Variants in LAIR2 observed in about 807,000 individuals in gnomAD.
LAIR2 encodes the protein leukocyte associated immunoglobulin like receptor 2, also known as leukocyte-associated immunoglobulin-like receptor 2.
In LAIR2, 14 loss-of-function variants were observed where a neutral mutation model predicts 14.8. That is an observed-to-expected ratio of 0.95 (90% confidence interval 0.62 to 1.48). The LOEUF (loss-of-function observed/expected upper bound fraction) is 1.48. Among genes scored for constraint, LAIR2 ranks in the 40% most tolerant of loss-of-function variants. The probability of loss-of-function intolerance (pLI) is 0.00; values close to 1 mark genes in which losing one functional copy is unlikely to be tolerated. For missense variants in LAIR2, 172 were observed against 180.9 expected, an observed-to-expected ratio of 0.95 and a Z score of 0.28; for synonymous variants, 75 against 74.5, an observed-to-expected ratio of 1.01 and a Z score of -0.03.
intron 2 of LAIR2, among the ~76,000 whole-genome samples, chr19:54,504,623 G>A (rs575402260): frequency 1.8e-4 from 27 of 151,802 alleles, no homozygotes; most frequent in African/African-American, 6.0e-4. Context: ...TTGTTTGTTT[G>A]TTTTGGGATG....
At chr19:54,503,676 T>G (rs768762325) in intron 1 of LAIR2, 24 bp from the exon 2 acceptor site, 1 of 1,613,930 alleles carries the variant, frequency 6.2e-7, no homozygotes, top group Admixed American at 1.7e-5. Flanking sequence ...GTGGGCATTT[T>G]TCTCACTGGG....
rs191946151 is a variant in LAIR2 at position 54,510,590 on chromosome 19, G to A, written c.*21G>A. 1,793 of 1,613,558 alleles carry A rather than the reference G, an allele frequency of 1.1e-3. 8 individuals carry two copies. In the African/African-American group the frequency reaches 0.021, roughly 19 times the overall value. On this transcript the variant is annotated 3_prime_UTR_variant, in exon 5 of 5. Transcript: ENST00000301202. ...CATGAATGAGGAGAAATGGCCTCCC[G>A]TCTTGTGAACTTCAATGGGGAGAAA...
chr19:54,508,291 T>C (rs2085406368), intron 3 of LAIR2, 107 bp downstream of exon 3: 1 of 1,158,906 alleles, frequency 8.6e-7, no homozygotes, highest in Admixed American at 2.2e-5. Context: ...TGGCCACCGT[T>C]GCCCTCTTCC....
intron 1 of LAIR2, 93 bp downstream of exon 1, chr19:54,503,045 G>T: frequency 8.0e-7 from 1 of 1,255,536 alleles, no homozygotes; most frequent in Non-Finnish European, 1.1e-6. Flanking sequence ...AGAAGATTCT[G>T]GGGAGGAAAG....
chr19:54,504,948 T>C (rs187697949), intron 2 of LAIR2, among the ~76,000 whole-genome samples: 1 of 152,332 alleles, frequency 6.6e-6, no homozygotes, highest in East Asian at 1.9e-4. Flanking sequence ...GGTATTTGTC[T>C]TTCTGTACCC....
intron 2 of LAIR2, among the ~76,000 whole-genome samples, chr19:54,505,671 G>C (rs985913839): frequency 6.6e-6 from 1 of 151,992 alleles, no homozygotes; most frequent in Non-Finnish European, 1.5e-5. Flanking sequence ...ATCAACCCAG[G>C]CACCTCTCTT....
At chr19:54,509,918 T>G (rs1420395080) in intron 4 of LAIR2, among the ~76,000 whole-genome samples, 1 of 150,662 alleles carries the variant, frequency 6.6e-6, no homozygotes, top group East Asian at 1.9e-4. Context: ...CTTCCCCACC[T>G]GGGTTTCTAT....
rs543115397 is a variant in LAIR2 at position 54,503,067 on chromosome 19, C to T, written c.34+115C>T. The T allele has an allele frequency of 4.8e-4, 465 of 975,354 alleles. No homozygotes were observed. In the Middle Eastern group the frequency reaches 7.2e-3, roughly 15 times the overall value. The allele number at this position is 975,354 out of a possible 1,614,324, so 60.4% of individuals were successfully genotyped here. ...TCTGGGGAGGAAAGTGTCCTCCTCC[C>T]CCCAAGACTGCCCTACTGCTCTCCC... On this transcript the variant is annotated intron_variant, in intron 1 of 4. Transcript: ENST00000301202.
At position 54,502,861 on chromosome 19, in the gene LAIR2, C is replaced by T. The variant is rs563817840; in HGVS notation, c.-58C>T. The T allele has an allele frequency of 6.2e-7, 1 of 1,609,522 alleles. No individual in the cohort carries two copies. Among genetic ancestry groups the T allele is most frequent in the Non-Finnish European group, 8.5e-7 (1 of 1,175,902 alleles). On this transcript the variant is annotated 5_prime_UTR_variant, in exon 1 of 5. Coordinates refer to ENST00000301202, the MANE Select transcript of LAIR2 (RefSeq NM_002288.6). The stretch of plus-strand genomic sequence containing the variant: ...CTGTGGAAGCCCCACGGGCAGGAGG[C>T]CCCCGGCCAGCACATCCTGTCTGCT...
intron 2 of LAIR2, among the ~76,000 whole-genome samples, chr19:54,507,416 C>G (rs1180996080): frequency 6.6e-6 from 1 of 152,042 alleles, no homozygotes; most frequent in Non-Finnish European, 1.5e-5. Context: ...AGCCTGGCAA[C>G]CCCCGTCCCA....
intron 2 of LAIR2, among the ~76,000 whole-genome samples, chr19:54,503,943 A>G (rs2123386797): frequency 6.6e-6 from 1 of 152,098 alleles, no homozygotes; most frequent in East Asian, 1.9e-4. Context: ...TCTTATTTTC[A>G]AAAATCCTAT....
intron 4 of LAIR2, among the ~76,000 whole-genome samples, chr19:54,509,960 T>C (rs1050633440): frequency 9.5e-5 from 14 of 148,062 alleles, no homozygotes; most frequent in African/African-American, 3.5e-4. Context: ...CTAGACCCGG[T>C]GACTGCCTGT....
At chr19:54,510,134 G>T (rs2085443101) in intron 4 of LAIR2, among the ~76,000 whole-genome samples, 1 of 145,564 alleles carries the variant, frequency 6.9e-6, no homozygotes, top group African/African-American at 2.6e-5. Context: ...TTCAAGTCCA[G>T]TGTCTGGTTT....
chr19:54,508,027 A>T lies in LAIR2; in HGVS notation c.207A>T (p.Lys69Asn). Residue 69 changes from lysine (K) to asparagine (N), a missense_variant, in exon 3 of 5, where the codon AAA (lysine) becomes AAT (asparagine). By Grantham distance (94) the Lys-to-Asn change is moderately conservative. Transcript: ENST00000301202. ...AGAGGGAGGATAGAGCCAAGTACAA[A>T]GATAGTTATAATGTGTTTCGACTTG... The part of the protein sequence containing the change: ...RLEREDRAKY[K>N]DSYNVFRLGP... The T allele has an allele frequency of 6.2e-7, 1 of 1,614,198 alleles. No homozygotes were observed. Among genetic ancestry groups the T allele is most frequent in the Non-Finnish European group, 8.5e-7 (1 of 1,180,022 alleles).
In LAIR2 at chr19:54,508,575, C is replaced by G. The variant is rs554107738; in HGVS notation, c.364+391C>G. ...TTATTCCTTTCCACTGAGCCAGAAC[C>G]TGCCCCAGGCAATGTGCTTCTCCTG... is the stretch of plus-strand genomic sequence containing the variant. On this transcript the variant is annotated intron_variant, in intron 3 of 4. Transcript: ENST00000301202. Among the ~76,000 whole-genome samples the G allele has an allele frequency of 4.5e-4, 69 of 152,358 alleles. No individual in the cohort carries two copies. The South Asian group carries it at 0.014, about 31-fold the overall frequency.
At position 54,508,039 on chromosome 19, in the gene LAIR2, T is replaced by A; in HGVS notation, c.219T>A (p.Asn73Lys). 1 of 1,614,148 alleles carries A rather than the reference T, an allele frequency of 6.2e-7. No individual in the cohort carries two copies. The highest frequency in any genetic ancestry group is 1.3e-5 in the African/African-American group (1 of 75,046). Residue 73 changes from asparagine to lysine, a missense_variant, in exon 3 of 5, where the codon AAT (asparagine) becomes AAA (lysine). Asn to Lys is a moderately conservative substitution (Grantham distance 94, BLOSUM62 0). Transcript: ENST00000301202. ...GAGCCAAGTACAAAGATAGTTATAATGTGTTTCGACTTGGTCCATCTGAGT... is the reference window on the plus strand; with the variant it reads ...GAGCCAAGTACAAAGATAGTTATAAAGTGTTTCGACTTGGTCCATCTGAGT... ...EDRAKYKDSY[N>K]VFRLGPSESE...
chr19:54,506,022 AC>A (rs2085358174), intron 2 of LAIR2, among the ~76,000 whole-genome samples: 1 of 151,910 alleles, frequency 6.6e-6, no homozygotes, highest in Non-Finnish European at 1.5e-5. Context: ...ACGGGGATTC[AC>A]CATGTTGATC....
chr19:54,507,518 C>T (rs1208444425), intron 2 of LAIR2, among the ~76,000 whole-genome samples: 3 of 152,062 alleles, frequency 2.0e-5, no homozygotes, highest in Admixed American at 6.6e-5. Flanking sequence ...TTGTCCTTCA[C>T]GAATGACCCT....
At position 54,509,991 on chromosome 19, in the gene LAIR2, A is replaced by G. The variant is rs1446668439; in HGVS notation, c.416-535A>G. On this transcript the variant is annotated intron_variant, in intron 4 of 4. Transcript: ENST00000301202. ...CCTGTGAGGCTCGGGCTGTGAGCTCAGGCAGGTGGGACCAGGGGCTGAAGC... is the reference window on the plus strand; with the variant it reads ...CCTGTGAGGCTCGGGCTGTGAGCTCGGGCAGGTGGGACCAGGGGCTGAAGC... Among the ~76,000 whole-genome samples the G allele has an allele frequency of 2.7e-5, 4 of 146,420 alleles. No individual in the cohort carries two copies. In the Admixed American group the frequency reaches 2.8e-4, roughly 10 times the overall value.
Sources: allele counts gnomAD v4.1 joint callset (sites outside exome capture counted in the v4.1 genomes callset), GRCh38; gene constraint gnomAD v4.1.1; transcripts MANE v1.5; gene names NCBI Gene and HGNC (gene_info 2026-07-23, HGNC 2026-07-21).